Variants in SH2D4B observed in about 807,000 individuals in gnomAD.
SH2D4B encodes the protein SH2 domain containing 4B.
In SH2D4B, 45 loss-of-function variants were observed where a neutral mutation model predicts 61.5. The ratio of observed to expected loss-of-function variants is 0.73; its 90% CI spans 0.58 to 0.94. SH2D4B has a LOEUF of 0.94. Ranked by LOEUF, SH2D4B falls within the 40% of genes least tolerant of loss-of-function variation. The probability of loss-of-function intolerance (pLI) is 0.00; values close to 1 mark genes in which losing one functional copy is unlikely to be tolerated. For missense variants in SH2D4B, 572 were observed against 574.2 expected (o/e 1.00, Z 0.04); for synonymous variants, 224 against 220.4 (o/e 1.02, Z -0.14).
intron 6 of SH2D4B, among the ~76,000 whole-genome samples, chr10:80,629,944 G>A (rs1316701482): frequency 1.3e-5 from 2 of 152,202 alleles, no homozygotes; most frequent in Non-Finnish European, 2.9e-5. Flanking sequence ...CCCAGGCATG[G>A]AGGATGTAAA....
intron 3 of SH2D4B, among the ~76,000 whole-genome samples, chr10:80,587,809 G>A (rs981189742): frequency 6.6e-6 from 1 of 152,114 alleles, no homozygotes; most frequent in African/African-American, 2.4e-5. Flanking sequence ...AGTACCCAGT[G>A]TTTAGCTTCC....
intron 5 of SH2D4B, among the ~76,000 whole-genome samples, chr10:80,608,461 A>G (rs1842546948): frequency 6.6e-6 from 1 of 152,168 alleles, no homozygotes. Context: ...ACTGCATTGT[A>G]CTTTACCACA....
At chr10:80,583,422 A>G (rs1186253892) in intron 3 of SH2D4B, among the ~76,000 whole-genome samples, 3 of 151,504 alleles carry the variant, frequency 2.0e-5, no homozygotes, top group Admixed American at 6.6e-5. Context: ...TAATCCCAGC[A>G]CTTTAGGAGG....
chr10:80,606,064 T>G (rs559171767), intron 5 of SH2D4B, among the ~76,000 whole-genome samples: 27 of 152,110 alleles, frequency 1.8e-4, no homozygotes, highest in African/African-American at 6.3e-4. Flanking sequence ...GAGAGGGCCC[T>G]CCTACCAGCC....
chr10:80,602,731 G>T (rs1483707514), intron 4 of SH2D4B, among the ~76,000 whole-genome samples: 4 of 152,212 alleles, frequency 2.6e-5, no homozygotes, highest in Non-Finnish European at 5.9e-5. Flanking sequence ...TGGGCAAATT[G>T]CTGTCCTTCC....
intron 7 of SH2D4B, among the ~76,000 whole-genome samples, chr10:80,640,535 A>C (rs2132167158): frequency 6.6e-6 from 1 of 152,224 alleles, no homozygotes; most frequent in East Asian, 1.9e-4. Context: ...TATTTCATTA[A>C]TTTGATCTTC....
At position 80,596,337 on chromosome 10, in the gene SH2D4B, A is replaced by G. The variant is rs988525529; in HGVS notation, c.644-7242A>G. 2.6e-5 allele frequency among the ~76,000 whole-genome samples: 4 copies of G among 152,338 alleles called. No individual in the cohort carries two copies. In the East Asian group the frequency reaches 7.7e-4, roughly 29 times the overall value. Reference sequence around the variant, plus strand: ...TCACTAAATTCATCTGAATGCCCCAAACCCTGAGAGTTCACAAAGCCTTAG... The same window carrying G: ...TCACTAAATTCATCTGAATGCCCCAGACCCTGAGAGTTCACAAAGCCTTAG... On this transcript the variant is annotated intron_variant, in intron 4 of 7. Transcript: ENST00000646907.
rs1173578080 is a variant in SH2D4B at position 80,638,325 on chromosome 10, C to G, written c.1209+3820C>G. Among the ~76,000 whole-genome samples, 2 of 152,174 alleles carry G rather than the reference C, an allele frequency of 1.3e-5. 1 individual carries two copies. The highest frequency in any genetic ancestry group is 2.9e-5 in the Non-Finnish European group (2 of 68,024). The stretch of plus-strand genomic sequence containing the variant: ...TAAAATGAGTTAGAGAGGATTCCCT[C>G]TTTTTCTGCTGATTGGAATAATTTC... On this transcript the variant is annotated intron_variant, in intron 7 of 7. Transcript: ENST00000646907.
rs534997297 is a variant in SH2D4B, at chr10:80,562,419, G to A, written c.185-7735G>A. On this transcript the variant is annotated intron_variant, in intron 1 of 7. Coordinates refer to ENST00000646907, the MANE Select transcript of SH2D4B (RefSeq NM_001388272.1). ...ATCAAATGACATTATTTAAAAGACT[G>A]ACTGTATGTTGTTTTGCTTACAGTT... is the stretch of plus-strand genomic sequence containing the variant. Among the ~76,000 whole-genome samples, 46 of 152,316 alleles carry A rather than the reference G, an allele frequency of 3.0e-4. No homozygotes were observed. The South Asian group carries it at 9.1e-3, about 30-fold the overall frequency.
chr10:80,586,738 C>A (rs7922492), intron 3 of SH2D4B, among the ~76,000 whole-genome samples: 16,619 of 152,204 alleles, frequency 0.11, 1,159 homozygotes, highest in African/African-American at 0.2. Context: ...GATCCCCTTG[C>A]CGCTGTGGAA....
At chr10:80,643,202 T>C (rs1840336171) in intron 7 of SH2D4B, 3 of 152,590 alleles carry the variant, frequency 2.0e-5, no homozygotes, top group African/African-American at 7.2e-5. Context: ...TTCCTTTTAA[T>C]TTAAATGGTC....
intron 6 of SH2D4B, among the ~76,000 whole-genome samples, chr10:80,620,778 G>A (rs2343557): frequency 0.018 from 2,800 of 152,264 alleles, 92 homozygotes; most frequent in African/African-American, 0.063. Flanking sequence ...AATGAGCTAG[G>A]GCTTATCAAG....
chr10:80,620,359 C>T (rs922497247), intron 6 of SH2D4B, among the ~76,000 whole-genome samples: 9 of 152,262 alleles, frequency 5.9e-5, no homozygotes, highest in Middle Eastern at 3.4e-3. Flanking sequence ...TTCACCCTTC[C>T]GCCATGATTA....
chr10:80,586,999 C>A (rs1332099974), intron 3 of SH2D4B, among the ~76,000 whole-genome samples: 2 of 152,082 alleles, frequency 1.3e-5, no homozygotes, highest in Non-Finnish European at 2.9e-5. Context: ...GGAAGAAACT[C>A]CGAACACATC....
At chr10:80,632,497 T>G (rs73311203) in intron 6 of SH2D4B, among the ~76,000 whole-genome samples, 1,705 of 152,272 alleles carry the variant, frequency 0.011, 34 homozygotes, top group African/African-American at 0.039. Context: ...CCCACCCTAG[T>G]AACACTCCCC....
intron 2 of SH2D4B, 92 bp downstream of exon 2, chr10:80,570,408 T>TG: frequency 6.9e-7 from 1 of 1,447,334 alleles, no homozygotes; most frequent in Non-Finnish European, 9.3e-7. Flanking sequence ...TTAGTAGAGA[T>TG]GGAGTTCCAT....
intron 3 of SH2D4B, among the ~76,000 whole-genome samples, chr10:80,573,462 TTA>T (rs1842087965): frequency 6.6e-6 from 1 of 152,168 alleles, no homozygotes; most frequent in Non-Finnish European, 1.5e-5. Flanking sequence ...TCTACATTGT[TTA>T]TATGTCTTTC....
Position 80,571,591 on chromosome 10 carries a change from A to G in SH2D4B, c.495+13A>G, listed in dbSNP as rs59617064. 496,492 of 1,612,132 alleles carry G rather than the reference A, an allele frequency of 0.31. 80,636 individuals carry two copies. The highest frequency in any genetic ancestry group is 0.5 in the East Asian group (22,299 of 44,752). Reference sequence around the variant, plus strand: ...CGAGGAATTCAAGGTGGGCCAGCGCATGGGGCCCCTGCGTGCGGCCACCTA... The same window carrying G: ...CGAGGAATTCAAGGTGGGCCAGCGCGTGGGGCCCCTGCGTGCGGCCACCTA... On this transcript the variant is annotated intron_variant, in intron 3 of 7. Coordinates refer to ENST00000646907, the MANE Select transcript of SH2D4B (RefSeq NM_001388272.1).
chr10:80,604,329 A>C (rs1842490781), intron 5 of SH2D4B, among the ~76,000 whole-genome samples: 1 of 152,164 alleles, frequency 6.6e-6, no homozygotes, highest in Non-Finnish European at 1.5e-5. Context: ...TGGCAAGGGC[A>C]CTTAGGTGAC....
Sources: gnomAD v4.1 joint callset for allele counts (sites outside exome capture counted in the v4.1 genomes callset) on GRCh38, gnomAD v4.1.1 for gene constraint, MANE v1.5 for transcripts, NCBI Gene and HGNC (gene_info 2026-07-23, HGNC 2026-07-21) for gene names.